IDO1: variants seen among roughly 807,000 people sequenced by gnomAD.
IDO1 encodes the protein indolamine 2,3 dioxygenase.
A neutral mutation model predicts 38.8 loss-of-function variants in IDO1; 35 were observed. The ratio of observed to expected loss-of-function variants is 0.90; its 90% CI spans 0.69 to 1.20. IDO1 has a LOEUF of 1.20. IDO1 is among the 50% of genes most tolerant of loss of function. The pLI is 0.00. For synonymous variants in IDO1, 171 were observed against 170.0 expected (o/e 1.01, Z -0.05); for missense variants, 509 against 485.1 (o/e 1.05, Z -0.46).
In IDO1 at chr8:39,922,546, C is replaced by T; in HGVS notation, c.438-6C>T. 1 of 1,602,106 alleles carries T rather than the reference C, an allele frequency of 6.2e-7. No individual in the cohort carries two copies. The highest frequency in any genetic ancestry group is 8.6e-7 in the Non-Finnish European group (1 of 1,169,248). ...ACTTCTTGCCTTCCTTATCCAATTT[C>T]CTCAGGAACATGGACGTTTTGTTCT... On this transcript the variant is annotated splice_polypyrimidine_tract_variant and splice_region_variant and intron_variant, in intron 5 of 9. Coordinates refer to ENST00000518237, the MANE Select transcript of IDO1 (RefSeq NM_002164.6).
chr8:39,915,991 C>CGGG (rs1807169161), intron 1 of IDO1, among the ~76,000 whole-genome samples: 4 of 151,696 alleles, frequency 2.6e-5, no homozygotes, highest in African/African-American at 9.7e-5. Flanking sequence ...TGGTGAAACC[C>CGGG]CGTCTCTACT....
intron 4 of IDO1, 22 bp from the exon 5 acceptor site, chr8:39,920,078 G>A: frequency 6.2e-7 from 1 of 1,609,076 alleles, no homozygotes; most frequent in South Asian, 1.1e-5. Flanking sequence ...TTGGTCCATT[G>A]CTTCATGGCT....
At chr8:39,926,104 G>A (rs1356511053) in intron 9 of IDO1, among the ~76,000 whole-genome samples, 1 of 151,896 alleles carries the variant, frequency 6.6e-6, no homozygotes, top group Non-Finnish European at 1.5e-5. Flanking sequence ...GGAGAATGGC[G>A]TGAACCCAGG....
intron 9 of IDO1, among the ~76,000 whole-genome samples, chr8:39,927,045 A>G (rs898157118): frequency 1.3e-5 from 2 of 151,932 alleles, no homozygotes. Flanking sequence ...ATTCTTTTTC[A>G]TGGCTGTGTA....
At position 39,928,365 on chromosome 8, in the gene IDO1, AATTAT is replaced by A. The variant is rs1807399498; in HGVS notation, c.*182_*186del. On this transcript the variant is annotated 3_prime_UTR_variant, in exon 10 of 10. Transcript: ENST00000518237. ...AAAACAACAAAAGGTAATTATGTGT[AATTAT>A]ACTAGAAGTTTTGTAATCTGTATCT... 2 of 538,946 alleles carry A rather than the reference AATTAT, an allele frequency of 3.7e-6. No homozygotes were observed. The highest frequency in any genetic ancestry group is 5.8e-5 in the East Asian group (2 of 34,226). 33.4% of individuals were successfully genotyped at this position (538,946 alleles called of 1,614,324 possible). A position where few individuals can be genotyped will look rare whatever the true frequency, so the allele number is the denominator to read the frequency against.
At position 39,923,570 on chromosome 8, in the gene IDO1, G is replaced by A; in HGVS notation, c.639G>A (p.Val213=). Residue 213 remains valine (V), a synonymous_variant, in exon 7 of 10, where the codon GTG becomes GTA. Coordinates refer to ENST00000518237, the MANE Select transcript of IDO1 (RefSeq NM_002164.6). ...CTTGCTTGGAGAAAGCCCTTCAAGT[G>A]TTTCACCAAATCCACGGCAAGTGTT... ...IASCLEKALQ[V]FHQIHDHVNP... is the part of the protein sequence containing the mutation. The A allele has an allele frequency of 6.2e-7, 1 of 1,607,116 alleles. No individual in the cohort carries two copies. The highest frequency in any genetic ancestry group is 8.5e-7 in the Non-Finnish European group (1 of 1,173,786).
Position 39,927,764 on chromosome 8 carries a change from T to G in IDO1, c.857-66T>G. 4.9e-6 allele frequency: 5 copies of G among 1,016,574 alleles called. No homozygotes were observed. In the South Asian group the frequency reaches 9.3e-5, roughly 19 times the overall value. The allele number at this position is 1,016,574 out of a possible 1,614,324, so 63.0% of individuals were successfully genotyped here. A position where few individuals can be genotyped will look rare whatever the true frequency, so the allele number is the denominator to read the frequency against. ...TCTCCTGCCCACTCTGACCTCACTC[T>G]GCCTTTCTCTCCTGGATTGGGGAAT... On this transcript the variant is annotated intron_variant, in intron 9 of 9. Coordinates refer to ENST00000518237, the MANE Select transcript of IDO1 (RefSeq NM_002164.6).
intron 1 of IDO1, among the ~76,000 whole-genome samples, chr8:39,915,177 A>G (rs983855464): frequency 6.6e-6 from 1 of 152,204 alleles, no homozygotes; most frequent in Non-Finnish European, 1.5e-5. Context: ...GAGCCTAAGC[A>G]GCCTGTCTCC....
chr8:39,919,355 C>T (rs984640827), intron 4 of IDO1, among the ~76,000 whole-genome samples: 3 of 151,990 alleles, frequency 2.0e-5, no homozygotes, highest in Non-Finnish European at 4.4e-5. Context: ...TCAATGAAAC[C>T]ACAGAGTATA....
In IDO1 at chr8:39,914,587, G is replaced by A. The variant is rs1044028906; in HGVS notation, c.87+578G>A. ...GTCTTACCTATAAAGTACAAGGTAT[G>A]TGGAAAAAAGGTTTGCCTTAAAAAC... On this transcript the variant is annotated intron_variant, in intron 1 of 9. Transcript: ENST00000518237. Among the ~76,000 whole-genome samples, 5 of 152,090 alleles carry A rather than the reference G, an allele frequency of 3.3e-5. 1 individual carries two copies. Among genetic ancestry groups the A allele is most frequent in the African/African-American group, 1.2e-4 (5 of 41,392 alleles).
chr8:39,928,308 A>G lies in IDO1; in HGVS notation c.*123A>G, dbSNP rs936791823. The G allele has an allele frequency of 9.1e-6, 6 of 659,854 alleles. No individual in the cohort carries two copies. The highest frequency in any genetic ancestry group is 3.1e-5 in the Admixed American group (1 of 32,584). The allele number at this position is 659,854 out of a possible 1,614,324, so 40.9% of individuals were successfully genotyped here. A position where few individuals can be genotyped will look rare whatever the true frequency, so the allele number is the denominator to read the frequency against. Reference sequence around the variant, plus strand: ...TGTTTTACCAATAATGCAATACAAAAGACCTCAAAATACCTGTGCATTTCT... The same window carrying G: ...TGTTTTACCAATAATGCAATACAAAGGACCTCAAAATACCTGTGCATTTCT... On this transcript the variant is annotated 3_prime_UTR_variant, in exon 10 of 10. Coordinates refer to ENST00000518237, the MANE Select transcript of IDO1 (RefSeq NM_002164.6).
intron 3 of IDO1, among the ~76,000 whole-genome samples, 200 bp from the exon 4 acceptor site, chr8:39,918,615 A>G (rs1807216427): frequency 2.0e-5 from 3 of 151,780 alleles, no homozygotes; most frequent in Non-Finnish European, 4.4e-5. Context: ...GCATGGTGGC[A>G]GGTGCCTATA....
intron 1 of IDO1, among the ~76,000 whole-genome samples, chr8:39,914,969 G>T (rs1002094344): frequency 1.3e-5 from 2 of 152,124 alleles, no homozygotes; most frequent in Non-Finnish European, 2.9e-5. Context: ...GTTTCACCAT[G>T]TTGGCCAGGC....
intron 5 of IDO1, among the ~76,000 whole-genome samples, chr8:39,921,803 T>C (rs1807277509): frequency 6.6e-6 from 1 of 152,204 alleles, no homozygotes; most frequent in African/African-American, 2.4e-5. Flanking sequence ...GTCAATTCCT[T>C]TGTAAAGCAT....
At chr8:39,917,778 T>G in intron 1 of IDO1, 97 bp from the exon 2 acceptor site, 1 of 757,336 alleles carries the variant, frequency 1.3e-6, no homozygotes. Flanking sequence ...AGGGCAACAT[T>G]GCACAGAATG....
intron 1 of IDO1, among the ~76,000 whole-genome samples, chr8:39,915,063 G>A (rs1202998726): frequency 1.3e-5 from 2 of 152,120 alleles, no homozygotes; most frequent in Admixed American, 6.6e-5. Context: ...CACTGCACCC[G>A]GCCAGAAACG....
In IDO1 at chr8:39,923,731, T is replaced by C. The variant is rs562635585; in HGVS notation, c.655+145T>C. 874 of 518,674 alleles carry C rather than the reference T, an allele frequency of 1.7e-3. 1 individual carries two copies. Among genetic ancestry groups the C allele is most frequent in the Non-Finnish European group, 2.2e-3 (623 of 288,758 alleles). The allele number at this position is 518,674 out of a possible 1,614,324, so 32.1% of individuals were successfully genotyped here. A position where few individuals can be genotyped will look rare whatever the true frequency, so the allele number is the denominator to read the frequency against. On this transcript the variant is annotated intron_variant, in intron 7 of 9. Coordinates refer to ENST00000518237, the MANE Select transcript of IDO1 (RefSeq NM_002164.6). ...TTTATCTTACTAAACCATTCCACTT[T>C]CTATGTGGTAGGTTTCATTATCTCC... is the stretch of plus-strand genomic sequence containing the variant.
At chr8:39,925,915 C>T (rs1471834886) in intron 9 of IDO1, among the ~76,000 whole-genome samples, 1 of 151,848 alleles carries the variant, frequency 6.6e-6, no homozygotes, top group Non-Finnish European at 1.5e-5. Context: ...AAGCCAGGTG[C>T]AGTCGCTCAC....
intron 5 of IDO1, among the ~76,000 whole-genome samples, chr8:39,922,292 C>G (rs1228531711): frequency 6.6e-6 from 1 of 152,148 alleles, no homozygotes; most frequent in African/African-American, 2.4e-5. Context: ...CAGATGTGAA[C>G]TACCATGCCC....
Sources: gnomAD v4.1 joint callset for allele counts (sites outside exome capture counted in the v4.1 genomes callset) on GRCh38, gnomAD v4.1.1 for gene constraint, MANE v1.5 for transcripts, NCBI Gene and HGNC (gene_info 2026-07-23, HGNC 2026-07-21) for gene names.